Variants in WNT4 observed in about 807,000 individuals in gnomAD.
The protein encoded by WNT4 is protein Wnt-4.
In WNT4, 16 loss-of-function variants were observed where a neutral mutation model predicts 34.5. The observed-to-expected ratio is 0.46, with a 90% CI of 0.31 to 0.70. The LOEUF (loss-of-function observed/expected upper bound fraction) is 0.70. Ranked by LOEUF, WNT4 falls within the 30% of genes least tolerant of loss-of-function variation. The pLI, the probability that WNT4 is intolerant of heterozygous loss-of-function variation, is 0.04. For missense variants in WNT4, 379 were observed against 495.9 expected (o/e 0.76, Z 2.24); for synonymous variants, 200 against 211.9 (o/e 0.94, Z 0.49).
At chr1:22,125,979 A>G (rs1645937563) in intron 2 of WNT4, among the ~76,000 whole-genome samples, 1 of 152,022 alleles carries the variant, frequency 6.6e-6, no homozygotes, top group African/African-American at 2.4e-5. Context: ...ATATTTGTTG[A>G]TTACCTATTA....
rs557120148 is a variant in WNT4, at chr1:22,119,988, G to C, written c.*62C>G. ...CTCTTGGGGTAGGTGGTGGGAGACT[G>C]TTTAAATTATCGGCCTTCCCTGGGC... is the stretch of plus-strand genomic sequence containing the variant. On this transcript the variant is annotated 3_prime_UTR_variant, in exon 5 of 5. Coordinates refer to ENST00000290167, the MANE Select transcript of WNT4 (RefSeq NM_030761.5). 1 of 1,577,206 alleles carries C rather than the reference G, an allele frequency of 6.3e-7. No individual in the cohort carries two copies. The highest frequency in any genetic ancestry group is 1.3e-5 in the African/African-American group (1 of 74,500).
rs780255287 is a variant in WNT4, at chr1:22,137,879, G to A, written c.77+4967C>T. Among the ~76,000 whole-genome samples the A allele has an allele frequency of 1.3e-5, 2 of 152,186 alleles. No homozygotes were observed. Among genetic ancestry groups the A allele is most frequent in the Non-Finnish European group, 2.9e-5 (2 of 68,034 alleles). On this transcript the variant is annotated intron_variant, in intron 1 of 4. Transcript: ENST00000290167. This position sits in a 1 kb window ranked among gnomAD's most constrained non-coding sequence, Gnocchi z 5.3. ...CTCTGTGCCTTTTAGTATCACCTGAGCCTCAGGGCAGTGGAGCAGAGCCTT... is the reference window on the plus strand; with the variant it reads ...CTCTGTGCCTTTTAGTATCACCTGAACCTCAGGGCAGTGGAGCAGAGCCTT...
intron 1 of WNT4, 78 bp from the exon 2 acceptor site, chr1:22,129,929 C>T (rs1361065487): frequency 1.0e-5 from 16 of 1,543,320 alleles, no homozygotes; most frequent in East Asian, 6.7e-5. Context: ...AGCTCCAGCC[C>T]GGGTCTCTGG....
intron 1 of WNT4, among the ~76,000 whole-genome samples, chr1:22,136,126 G>A (rs1646019974): frequency 6.6e-6 from 1 of 152,172 alleles, no homozygotes; most frequent in Non-Finnish European, 1.5e-5. Context: ...CGAGCTGGTG[G>A]CTGCCTCAGG....
intron 2 of WNT4, among the ~76,000 whole-genome samples, chr1:22,124,972 ACT>A (rs1645929724): frequency 6.6e-6 from 1 of 151,730 alleles, no homozygotes; most frequent in South Asian, 2.1e-4. Context: ...AGATTCCTTT[ACT>A]CTCTTGGATG....
Position 22,142,505 on chromosome 1 carries a change from C to T in WNT4, c.77+341G>A, listed in dbSNP as rs1297894068. 3.3e-5 allele frequency among the ~76,000 whole-genome samples: 5 copies of T among 152,334 alleles called. No individual in the cohort carries two copies. The highest frequency in any genetic ancestry group is 7.3e-5 in the Non-Finnish European group (5 of 68,032). ...CTTCCTCAGCGACCTGTCAGCCCGG[C>T]TGGACTGCAACCCGCGTCCGGCGCC... On this transcript the variant is annotated intron_variant, in intron 1 of 4. Transcript: ENST00000290167. The surrounding 1 kb of genome is among the most constrained non-coding windows in gnomAD (Gnocchi z 6.0).
intron 2 of WNT4, among the ~76,000 whole-genome samples, chr1:22,123,480 TGGAA>T (rs1351939578): frequency 6.6e-6 from 1 of 152,128 alleles, no homozygotes; most frequent in East Asian, 1.9e-4. Flanking sequence ...GAAGAGATTC[TGGAA>T]GGAAGATAAT....
At chr1:22,120,646 C>A in intron 4 of WNT4, 129 bp from the exon 5 acceptor site, 1 of 940,934 alleles carries the variant, frequency 1.1e-6, no homozygotes, top group South Asian at 1.6e-5. Flanking sequence ...GCCGTTGTGC[C>A]TCCTCTTAGG....
chr1:22,129,071 T>C (rs1645962249), intron 2 of WNT4, among the ~76,000 whole-genome samples: 1 of 152,200 alleles, frequency 6.6e-6, no homozygotes, highest in South Asian at 2.1e-4. Flanking sequence ...TTAACCTCCA[T>C]GTGCCTGTTT....
chr1:22,127,481 C>T (rs747100299), intron 2 of WNT4: 6 of 532,508 alleles, frequency 1.1e-5, no homozygotes, highest in Admixed American at 1.9e-5. Context: ...GGCTTTGCCA[C>T]CTGCCAAGAA....
At chr1:22,125,437 A>G (rs1431595544) in intron 2 of WNT4, among the ~76,000 whole-genome samples, 3 of 152,156 alleles carry the variant, frequency 2.0e-5, no homozygotes, top group African/African-American at 7.2e-5. Context: ...GCCAATATTG[A>G]GGATAAAGGT....
At position 22,142,815 on chromosome 1, in the gene WNT4, C is replaced by T; in HGVS notation, c.77+31G>A. 1 of 1,170,114 alleles carries T rather than the reference C, an allele frequency of 8.5e-7. No homozygotes were observed. The highest frequency in any genetic ancestry group is 1.1e-6 in the Non-Finnish European group (1 of 924,042). 72.5% of individuals were successfully genotyped at this position (1,170,114 alleles called of 1,614,324 possible). A position where few individuals can be genotyped will look rare whatever the true frequency, so the allele number is the denominator to read the frequency against. On this transcript the variant is annotated intron_variant, in intron 1 of 4. Transcript: ENST00000290167. The surrounding 1 kb of genome is among the most constrained non-coding windows in gnomAD (Gnocchi z 6.0). ...TGCCCCCGGGGCCTGCCCCGCCCCG[C>T]CCCGCCCCGCTCGGCCCCGGCCAGA... is the stretch of plus-strand genomic sequence containing the variant.
intron 2 of WNT4, among the ~76,000 whole-genome samples, chr1:22,128,950 G>A (rs1338866931): frequency 1.3e-5 from 2 of 151,970 alleles, no homozygotes; most frequent in Non-Finnish European, 2.9e-5. Flanking sequence ...TCGATCTCCT[G>A]ACCTCATGAT....
Position 22,142,882 on chromosome 1 carries a change from A to G in WNT4, c.41T>C (p.Val14Ala). The G allele has an allele frequency of 8.3e-7, 1 of 1,211,368 alleles. No individual in the cohort carries two copies. Among genetic ancestry groups the G allele is most frequent in the Non-Finnish European group, 1.1e-6 (1 of 946,274 alleles). The allele number at this position is 1,211,368 out of a possible 1,614,324, so 75.0% of individuals were successfully genotyped here. The change falls in exon 1 of 5, where the codon GTC (valine) becomes GCC (alanine). Residue 14 changes from valine to alanine, a missense_variant. Physicochemically the swap from Val to Ala is moderately conservative, Grantham distance 64. Coordinates refer to ENST00000290167, the MANE Select transcript of WNT4 (RefSeq NM_030761.5). This position sits in a 1 kb window ranked among gnomAD's most constrained non-coding sequence, Gnocchi z 6.0. The part of the protein sequence containing the change: ...RSCLRSLRLL[V>A]FAVFSAAASN... ...CGCGGCGGCTGAGAAGACGGCGAAG[A>G]CGAGGAGGCGCAGCGAACGCAGGCA...
chr1:22,139,092 G>C lies in WNT4; in HGVS notation c.77+3754C>G, dbSNP rs1031332573. 6.6e-6 allele frequency among the ~76,000 whole-genome samples: 1 copy of C among 152,188 alleles called. No individual in the cohort carries two copies. Among genetic ancestry groups the C allele is most frequent in the Non-Finnish European group, 1.5e-5 (1 of 68,006 alleles). On this transcript the variant is annotated intron_variant, in intron 1 of 4. Transcript: ENST00000290167. The surrounding 1 kb of genome is among the most constrained non-coding windows in gnomAD (Gnocchi z 4.6). ...TGCGGGGGCCCTTGTTGAGCAAGGGGGTTGCAGCCTAGGATCCTACCTGTG... is the reference window on the plus strand; with the variant it reads ...TGCGGGGGCCCTTGTTGAGCAAGGGCGTTGCAGCCTAGGATCCTACCTGTG...
rs1646052594 is a variant in WNT4, at chr1:22,139,906, G to C, written c.77+2940C>G. Among the ~76,000 whole-genome samples the C allele has an allele frequency of 6.6e-6, 1 of 152,216 alleles. No individual in the cohort carries two copies. Among genetic ancestry groups the C allele is most frequent in the African/African-American group, 2.4e-5 (1 of 41,462 alleles). Reference sequence around the variant, plus strand: ...CACAAGCTGTCAGCGGGCTCCTCCGGGTGCCAGACGAGAGTCTAATCAACA... The same window carrying C: ...CACAAGCTGTCAGCGGGCTCCTCCGCGTGCCAGACGAGAGTCTAATCAACA... On this transcript the variant is annotated intron_variant, in intron 1 of 4. Transcript: ENST00000290167. The surrounding 1 kb of genome is among the most constrained non-coding windows in gnomAD (Gnocchi z 4.6).
At chr1:22,135,917 C>A (rs1646018348) in intron 1 of WNT4, among the ~76,000 whole-genome samples, 1 of 152,204 alleles carries the variant, frequency 6.6e-6, no homozygotes, top group Non-Finnish European at 1.5e-5. Context: ...TTTCCTGTCT[C>A]CTGGGACCCC....
chr1:22,141,967 G>A (rs951173506), intron 1 of WNT4, among the ~76,000 whole-genome samples: 12 of 152,216 alleles, frequency 7.9e-5, no homozygotes, highest in African/African-American at 2.9e-4. Context: ...TGGGGCCAGG[G>A]TTAAGCGCGG....
intron 2 of WNT4, among the ~76,000 whole-genome samples, chr1:22,124,555 C>T (rs1303024721): frequency 6.6e-6 from 1 of 152,190 alleles, no homozygotes; most frequent in Admixed American, 6.5e-5. Flanking sequence ...AGGCTCATGA[C>T]AGCCTTAGCA....
Sources: allele counts gnomAD v4.1 joint callset (sites outside exome capture counted in the v4.1 genomes callset), GRCh38; gene constraint gnomAD v4.1.1; non-coding constraint Gnocchi (gnomAD v3.1); transcripts MANE v1.5; gene names NCBI Gene and HGNC (gene_info 2026-07-23, HGNC 2026-07-21).